Variants in CACNA2D3 observed in about 807,000 individuals in gnomAD.
CACNA2D3 encodes voltage-dependent calcium channel subunit alpha-2/delta-3.
Under a neutral mutation model 160.6 loss-of-function variants are expected in CACNA2D3, and 60 were observed. The ratio of observed to expected loss-of-function variants is 0.37; its 90% CI spans 0.30 to 0.46. The LOEUF (loss-of-function observed/expected upper bound fraction) is 0.46. CACNA2D3 is among the 20% of genes least tolerant of loss of function. The pLI is 1.00. For synonymous variants in CACNA2D3, 558 were observed against 492.9 expected (o/e 1.13, Z -1.75); for missense variants, 1,205 against 1,365.0 (o/e 0.88, Z 1.85).
chr3:54,871,224 C>CACACACACACAT (rs1491220764), intron 17 of CACNA2D3, among the ~76,000 whole-genome samples: 11 of 109,212 alleles, frequency 1.0e-4, no homozygotes, highest in African/African-American at 4.2e-4. Context: ...CACACACACA[C>CACACACACACAT]CCCCCATTCA....
chr3:54,814,500 G>A (rs1010420813), intron 13 of CACNA2D3, among the ~76,000 whole-genome samples: 11 of 152,230 alleles, frequency 7.2e-5, no homozygotes, highest in Non-Finnish European at 1.3e-4. Context: ...CCCAGCAGCA[G>A]CATCTGTGGC....
intron 35 of CACNA2D3, among the ~76,000 whole-genome samples, chr3:55,051,589 G>C (rs1399645226): frequency 9.2e-5 from 14 of 152,068 alleles, no homozygotes; most frequent in South Asian, 4.1e-4. Context: ...AGAGGTGGAG[G>C]CTACAGAGGC....
At chr3:54,576,786 GT>G (rs1702589606) in intron 8 of CACNA2D3, among the ~76,000 whole-genome samples, 1 of 152,162 alleles carries the variant, frequency 6.6e-6, no homozygotes, top group Non-Finnish European at 1.5e-5. Context: ...TATAATCCTA[GT>G]ACTTGGGAGG....
intron 10 of CACNA2D3, among the ~76,000 whole-genome samples, chr3:54,632,962 G>A (rs551862636): frequency 5.9e-5 from 9 of 152,278 alleles, no homozygotes; most frequent in African/African-American, 1.4e-4. Flanking sequence ...ACCTACTAAC[G>A]TGACAGTGTC....
intron 29 of CACNA2D3, among the ~76,000 whole-genome samples, chr3:54,970,073 G>A (rs1432988024): frequency 1.3e-5 from 2 of 151,972 alleles, no homozygotes; most frequent in Non-Finnish European, 2.9e-5. Flanking sequence ...CTCATGGATA[G>A]CACTATTGGA....
intron 11 of CACNA2D3, among the ~76,000 whole-genome samples, chr3:54,718,611 GTCTTCCAATATCATTTTGAT>G (rs1160874335): frequency 6.6e-6 from 1 of 151,854 alleles, no homozygotes; most frequent in Non-Finnish European, 1.5e-5. Context: ...GGTAGTATAA[GTCTTCCAATATCATTTTGAT>G]TCTTCAAAAT....
intron 8 of CACNA2D3, among the ~76,000 whole-genome samples, chr3:54,572,313 A>G (rs963439871): frequency 4.6e-5 from 7 of 152,358 alleles, no homozygotes; most frequent in African/African-American, 1.7e-4. Flanking sequence ...ATGTATCCCC[A>G]GCACCTAGGC....
chr3:54,794,221 T>C (rs972633727), intron 13 of CACNA2D3, among the ~76,000 whole-genome samples: 6 of 152,162 alleles, frequency 3.9e-5, no homozygotes, highest in African/African-American at 1.2e-4. Flanking sequence ...GACCCAATAA[T>C]AGCTACACCT....
At chr3:54,557,484 A>G (rs1702258767) in intron 5 of CACNA2D3, among the ~76,000 whole-genome samples, 1 of 152,230 alleles carries the variant, frequency 6.6e-6, no homozygotes. Flanking sequence ...GGCAAATCCC[A>G]GTTGTCACAC....
At chr3:54,673,656 T>A (rs1700195169) in intron 11 of CACNA2D3, among the ~76,000 whole-genome samples, 2 of 152,242 alleles carry the variant, frequency 1.3e-5, no homozygotes, top group Non-Finnish European at 2.9e-5. Context: ...CTTTTGTTCT[T>A]TGAAATAACT....
chr3:54,536,881 T>A lies in CACNA2D3; in HGVS notation c.545-25919T>A, dbSNP rs184466919. ...CTTGGGTGCCCAGCGCTGTGTCACC[T>A]TTGGAGAAGTCCCTTCCCCTTTCCC... On this transcript the variant is annotated intron_variant, in intron 5 of 37. Transcript: ENST00000474759. 1.8e-4 allele frequency among the ~76,000 whole-genome samples: 28 copies of A among 152,304 alleles called. 1 individual carries two copies. The East Asian group carries it at 5.2e-3, about 28-fold the overall frequency.
chr3:54,756,445 C>T (rs1443588332), intron 12 of CACNA2D3, among the ~76,000 whole-genome samples: 2 of 152,126 alleles, frequency 1.3e-5, no homozygotes, highest in African/African-American at 4.8e-5. Flanking sequence ...TTAATTAAAT[C>T]ATTGTTTATA....
chr3:54,862,474 A>G (rs1048687464), intron 17 of CACNA2D3, among the ~76,000 whole-genome samples: 3 of 152,226 alleles, frequency 2.0e-5, no homozygotes, highest in African/African-American at 7.2e-5. Flanking sequence ...TATTACAGGC[A>G]TAAATCAGGT....
At chr3:54,917,281 CA>C (rs1404559231) in intron 27 of CACNA2D3, among the ~76,000 whole-genome samples, 1 of 152,200 alleles carries the variant, frequency 6.6e-6, no homozygotes, top group Non-Finnish European at 1.5e-5. Flanking sequence ...ATTCACTTTG[CA>C]TGCAACTCTT....
rs368195776 is a variant in CACNA2D3 at position 54,503,665 on chromosome 3, C to T, written c.544+11C>T. 4 of 1,611,738 alleles carry T rather than the reference C, an allele frequency of 2.5e-6. No homozygotes were observed. Among genetic ancestry groups the T allele is most frequent in the Non-Finnish European group, 3.4e-6 (4 of 1,178,172 alleles). Reference sequence around the variant, plus strand: ...ACATGTACAACAAAGGTAAGACTCCCAGCCACTGCTCCTTTTAGAAGGTGA... The same window carrying T: ...ACATGTACAACAAAGGTAAGACTCCTAGCCACTGCTCCTTTTAGAAGGTGA... On this transcript the variant is annotated intron_variant, in intron 5 of 37. Coordinates refer to ENST00000474759, the MANE Select transcript of CACNA2D3 (RefSeq NM_018398.3).
At chr3:54,148,708 G>C (rs1439367386) in intron 2 of CACNA2D3, among the ~76,000 whole-genome samples, 1 of 152,132 alleles carries the variant, frequency 6.6e-6, no homozygotes, top group East Asian at 1.9e-4. Flanking sequence ...CGGGTGCGGT[G>C]GCTCACGCCT....
rs371343938 is a variant in CACNA2D3, at chr3:54,637,905, G to T, written c.1054-4223G>T. 6 of 152,194 alleles carry T rather than the reference G, an allele frequency of 3.9e-5. No individual in the cohort carries two copies. The East Asian group carries it at 9.7e-4, about 25-fold the overall frequency. 9.4% of individuals were successfully genotyped at this position (152,194 alleles called of 1,614,324 possible). A position where few individuals can be genotyped will look rare whatever the true frequency, so the allele number is the denominator to read the frequency against. On this transcript the variant is annotated intron_variant, in intron 10 of 37. Transcript: ENST00000474759. ...TTAGGAGGAATCCCGGGCTGCGGGC[G>T]TTCCTTGGCCCAGTGGCCAGATTTC... is the stretch of plus-strand genomic sequence containing the variant.
At chr3:54,744,220 T>A (rs976354434) in intron 11 of CACNA2D3, among the ~76,000 whole-genome samples, 7 of 152,224 alleles carry the variant, frequency 4.6e-5, no homozygotes. Context: ...AATGACCAAA[T>A]GAACTTTCTC....
At chr3:54,464,601 G>C (rs1434040591) in intron 4 of CACNA2D3, among the ~76,000 whole-genome samples, 2 of 152,206 alleles carry the variant, frequency 1.3e-5, no homozygotes, top group African/African-American at 4.8e-5. Flanking sequence ...TAATCTCCTG[G>C]TGTGCCGTTT....
Sources: gnomAD v4.1 joint callset for allele counts (sites outside exome capture counted in the v4.1 genomes callset) on GRCh38, gnomAD v4.1.1 for gene constraint, MANE v1.5 for transcripts, NCBI Gene and HGNC (gene_info 2026-07-23, HGNC 2026-07-21) for gene names.